PSMD1: variants seen among roughly 807,000 people sequenced by gnomAD.
The protein encoded by PSMD1 is proteasome 26S subunit, non-ATPase 1, also known as 26S proteasome non-ATPase regulatory subunit 1.
A neutral mutation model predicts 119.0 loss-of-function variants in PSMD1; 18 were observed. The observed-to-expected ratio is 0.15, with a 90% confidence interval of 0.10 to 0.22. PSMD1 has a LOEUF of 0.22. Among genes scored for constraint, PSMD1 ranks in the 10% least tolerant of loss-of-function variants. The pLI is 1.00. For synonymous variants in PSMD1, 374 were observed against 396.6 expected (o/e 0.94, Z 0.68); for missense variants, 702 against 1,158.5 (o/e 0.61, Z 5.72).
At chr2:231,105,008 C>G (rs1694945538) in intron 16 of PSMD1, among the ~76,000 whole-genome samples, 2 of 151,986 alleles carry the variant, frequency 1.3e-5, no homozygotes, top group African/African-American at 4.8e-5. Context: ...AACTTCTTTT[C>G]AAGTATACTT....
At chr2:231,061,376 T>TCTTCC in intron 2 of PSMD1, 66 bp downstream of exon 2, 1 of 1,301,034 alleles carries the variant, frequency 7.7e-7, no homozygotes, top group Non-Finnish European at 1.1e-6. Context: ...AATTTAGTGA[T>TCTTCC]ATCTGTAATC....
chr2:231,105,737 AT>A (rs1450017438), intron 16 of PSMD1, among the ~76,000 whole-genome samples: 1 of 152,220 alleles, frequency 6.6e-6, no homozygotes, highest in Non-Finnish European at 1.5e-5. Context: ...GAATATAAAA[AT>A]GTTACATCAT....
intron 12 of PSMD1, 52 bp downstream of exon 12, chr2:231,080,366 A>G (rs1029075211): frequency 1.4e-6 from 2 of 1,412,484 alleles, no homozygotes; most frequent in African/African-American, 2.9e-5. Context: ...ATCCAGGATA[A>G]CATATTTGCC....
chr2:231,135,341 T>C (rs1370576908), intron 16 of PSMD1, among the ~76,000 whole-genome samples: 1 of 152,178 alleles, frequency 6.6e-6, no homozygotes, highest in Non-Finnish European at 1.5e-5. Flanking sequence ...AATTGGTTCA[T>C]TTTTAAATGC....
intron 18 of PSMD1, among the ~76,000 whole-genome samples, chr2:231,147,804 A>G (rs1696285705): frequency 6.6e-6 from 1 of 152,240 alleles, no homozygotes; most frequent in Non-Finnish European, 1.5e-5. Context: ...AACTGTTGGC[A>G]TTGTGTCTTA....
At chr2:231,091,156 G>C (rs1009160724) in intron 16 of PSMD1, among the ~76,000 whole-genome samples, 1 of 152,156 alleles carries the variant, frequency 6.6e-6, no homozygotes, top group African/African-American at 2.4e-5. Flanking sequence ...ATTTAGTACA[G>C]ATTTAATGAG....
chr2:231,130,287 A>G (rs1695823799), intron 16 of PSMD1, among the ~76,000 whole-genome samples: 1 of 152,188 alleles, frequency 6.6e-6, no homozygotes, highest in Admixed American at 6.5e-5. Flanking sequence ...CTGTAAATAT[A>G]CTTTTAAATA....
chr2:231,060,547 T>C (rs996806995), intron 1 of PSMD1, among the ~76,000 whole-genome samples: 13 of 152,238 alleles, frequency 8.5e-5, no homozygotes, highest in Non-Finnish European at 1.9e-4. Flanking sequence ...CAAGGTGTGT[T>C]CTTTTGGAGA....
At chr2:231,098,254 A>G (rs1297205131) in intron 16 of PSMD1, among the ~76,000 whole-genome samples, 3 of 152,234 alleles carry the variant, frequency 2.0e-5, no homozygotes, top group Non-Finnish European at 4.4e-5. Flanking sequence ...TACACTGACA[A>G]CAAGGTGGTA....
At chr2:231,124,502 C>A (rs1055268692) in intron 16 of PSMD1, among the ~76,000 whole-genome samples, 4 of 151,768 alleles carry the variant, frequency 2.6e-5, no homozygotes, top group Admixed American at 1.3e-4. Flanking sequence ...AGCTAGGGAT[C>A]CTTATATGTA....
intron 16 of PSMD1, among the ~76,000 whole-genome samples, chr2:231,098,885 C>A (rs1694795675): frequency 6.6e-6 from 1 of 152,098 alleles, no homozygotes; most frequent in African/African-American, 2.4e-5. Flanking sequence ...CCTTGTGGTA[C>A]CTCTTTCAAA....
intron 13 of PSMD1, among the ~76,000 whole-genome samples, chr2:231,083,351 A>G (rs549738095): frequency 2.6e-5 from 4 of 152,230 alleles, no homozygotes; most frequent in Non-Finnish European, 5.9e-5. Flanking sequence ...GTCAAAGTTT[A>G]AAAGGAAAAC....
At position 231,170,999 on chromosome 2, in the gene PSMD1, ATCTG is replaced by A. The variant is rs1288649624; in HGVS notation, c.*9+283_*9+286del. On this transcript the variant is annotated intron_variant, in intron 24 of 24. Coordinates refer to ENST00000308696, the MANE Select transcript of PSMD1 (RefSeq NM_002807.4). The surrounding 1 kb of genome is among the most constrained non-coding windows in gnomAD (Gnocchi z 4.1). ...AAGGAGATAGGAAGCTTACTCCAGA[ATCTG>A]TCTGCTCAACGCTTCTTTCATCAAG... is the stretch of plus-strand genomic sequence containing the variant. Among the ~76,000 whole-genome samples, 2 of 152,230 alleles carry A rather than the reference ATCTG, an allele frequency of 1.3e-5. No individual in the cohort carries two copies. Among genetic ancestry groups the A allele is most frequent in the Non-Finnish European group, 2.9e-5 (2 of 68,042 alleles).
At chr2:231,165,472 G>T (rs1364134159) in intron 22 of PSMD1, among the ~76,000 whole-genome samples, 186 bp downstream of exon 22, 1 of 152,070 alleles carries the variant, frequency 6.6e-6, no homozygotes, top group Non-Finnish European at 1.5e-5. Flanking sequence ...TTTGTGGGAA[G>T]AATAGAAGGG....
intron 22 of PSMD1, 55 bp downstream of exon 22, chr2:231,165,341 C>T (rs1696752314): frequency 6.0e-6 from 9 of 1,488,730 alleles, no homozygotes; most frequent in South Asian, 1.3e-5. Context: ...CTGTCATGGT[C>T]GAGATTCTTC....
intron 16 of PSMD1, among the ~76,000 whole-genome samples, chr2:231,107,870 T>G (rs552108592): frequency 6.6e-6 from 1 of 152,252 alleles, no homozygotes; most frequent in Non-Finnish European, 1.5e-5. Context: ...TAGACCTACC[T>G]GTGCTGAGTA....
At chr2:231,069,458 CA>C (rs1427852480) in intron 5 of PSMD1, among the ~76,000 whole-genome samples, 4 of 152,148 alleles carry the variant, frequency 2.6e-5, no homozygotes, top group African/African-American at 9.7e-5. Flanking sequence ...AGGCCTTTTA[CA>C]GGGTGAAGTC....
At position 231,138,860 on chromosome 2, in the gene PSMD1, A is replaced by C. The variant is rs375073015; in HGVS notation, c.1998+10A>C. 3.1e-6 allele frequency: 5 copies of C among 1,591,382 alleles called. No homozygotes were observed. ...TGGTACAGGAAACAAGGTAAAGCCC[A>C]CAGCCAATGGGGTCAGTTCTTTCTT... On this transcript the variant is annotated intron_variant, in intron 17 of 24. Transcript: ENST00000308696.
intron 16 of PSMD1, among the ~76,000 whole-genome samples, chr2:231,110,020 T>C (rs1041373560): frequency 2.0e-5 from 3 of 152,228 alleles, no homozygotes; most frequent in African/African-American, 7.2e-5. Context: ...TCTTAATCTT[T>C]CTTCTTCTGT....
Sources: gnomAD v4.1 joint callset for allele counts (sites outside exome capture counted in the v4.1 genomes callset) on GRCh38, gnomAD v4.1.1 for gene constraint, Gnocchi (gnomAD v3.1) non-coding constraint, MANE v1.5 for transcripts, NCBI Gene and HGNC (gene_info 2026-07-23, HGNC 2026-07-21) for gene names.